The following MED13L variants were observed in gnomAD, a reference collection of about 807,000 sequenced individuals.
MED13L encodes mediator of RNA polymerase II transcription subunit 13-like.
MED13L carries 7 observed loss-of-function variants against 220.9 expected under a neutral mutation model. That is an observed-to-expected ratio of 0.03 (90% CI 0.02 to 0.06). MED13L has a LOEUF of 0.06. Among genes scored for constraint, MED13L ranks in the 10% least tolerant of loss-of-function variants. The pLI is 1.00. For missense variants in MED13L, 1,965 were observed against 2,760.5 expected, an observed-to-expected ratio of 0.71 and a Z score of 6.46; for synonymous variants, 1,011 against 1,015.2, an observed-to-expected ratio of 1.00 and a Z score of 0.08.
chr12:116,217,538 G>C (rs906103482), intron 2 of MED13L, among the ~76,000 whole-genome samples: 15 of 152,074 alleles, frequency 9.9e-5, no homozygotes, highest in African/African-American at 3.6e-4. Flanking sequence ...AAAAAAATTG[G>C]CTAAACATTT....
chr12:116,091,327 A>G (rs1872192902), intron 4 of MED13L, among the ~76,000 whole-genome samples: 1 of 152,116 alleles, frequency 6.6e-6, no homozygotes, highest in African/African-American at 2.4e-5. Context: ...AGCACAAATG[A>G]AAAATAAAAA....
Position 116,270,181 on chromosome 12 carries a change from C to T in MED13L, c.72+6879G>A, listed in dbSNP as rs184250881. Among the ~76,000 whole-genome samples, 117 of 150,802 alleles carry T rather than the reference C, an allele frequency of 7.8e-4. 3 individuals are homozygous for T. The highest frequency in any genetic ancestry group is 7.1e-3 in the Admixed American group (108 of 15,192). ...TTTTTGAGACAGACTCTCGCTCTGT[C>T]GCCAGACTGGAGTGCAGTGGCACCA... On this transcript the variant is annotated intron_variant, in intron 1 of 30. Transcript: ENST00000281928.
chr12:116,179,587 C>G (rs1250250394), intron 2 of MED13L, among the ~76,000 whole-genome samples: 2 of 151,976 alleles, frequency 1.3e-5, no homozygotes, highest in Non-Finnish European at 2.9e-5. Context: ...GCACTCCAGC[C>G]TGGGCGACAT....
At chr12:115,980,290 T>C (rs1293539230) in intron 23 of MED13L, among the ~76,000 whole-genome samples, 1 of 152,188 alleles carries the variant, frequency 6.6e-6, no homozygotes, top group Admixed American at 6.5e-5. Flanking sequence ...CAGAGAAGTA[T>C]CTCCTCTATT....
At chr12:116,015,320 T>C in intron 7 of MED13L, 46 bp from the exon 8 acceptor site, 1 of 1,591,948 alleles carries the variant, frequency 6.3e-7, no homozygotes, top group African/African-American at 1.3e-5. Context: ...CTGAAAAGGT[T>C]TCCTACTTCA....
intron 4 of MED13L, among the ~76,000 whole-genome samples, chr12:116,047,841 A>G (rs910245573): frequency 1.3e-5 from 2 of 152,246 alleles, no homozygotes; most frequent in Admixed American, 6.5e-5. Context: ...AAGCTGAGGT[A>G]GGTTTCCAGT....
At chr12:116,009,225 T>A in intron 9 of MED13L, 93 bp from the exon 10 acceptor site, 2 of 1,245,450 alleles carry the variant, frequency 1.6e-6, no homozygotes, top group Non-Finnish European at 2.3e-6. Context: ...TTAGATGTAC[T>A]AATACATATA....
intron 1 of MED13L, among the ~76,000 whole-genome samples, chr12:116,252,277 G>C (rs1183785340): frequency 6.6e-6 from 1 of 152,074 alleles, no homozygotes; most frequent in Non-Finnish European, 1.5e-5. Flanking sequence ...CCATATGCTA[G>C]TCCATAAAAC....
chr12:116,029,502 G>A (rs529386034), intron 4 of MED13L, among the ~76,000 whole-genome samples: 111 of 152,066 alleles, frequency 7.3e-4, no homozygotes, highest in African/African-American at 2.5e-3. Flanking sequence ...ACCCATCTAC[G>A]TATTGCACAA....
At chr12:115,974,724 T>C (rs1254822078) in intron 25 of MED13L, among the ~76,000 whole-genome samples, 2 of 152,196 alleles carry the variant, frequency 1.3e-5, no homozygotes, top group Non-Finnish European at 2.9e-5. Flanking sequence ...TGAAACAGGA[T>C]TTCTTTGCTG....
intron 4 of MED13L, among the ~76,000 whole-genome samples, chr12:116,077,693 G>A (rs1870911465): frequency 6.6e-6 from 1 of 152,134 alleles, no homozygotes; most frequent in African/African-American, 2.4e-5. Context: ...AAAACTGGGT[G>A]GCCAGGCAGT....
chr12:116,080,392 G>A (rs74316947), intron 4 of MED13L, among the ~76,000 whole-genome samples: 3,098 of 152,252 alleles, frequency 0.02, 57 homozygotes, highest in Middle Eastern at 0.054. Flanking sequence ...TTGAAATAAG[G>A]TGAAAGGAGG....
At chr12:116,080,503 C>T (rs1871156194) in intron 4 of MED13L, among the ~76,000 whole-genome samples, 1 of 152,122 alleles carries the variant, frequency 6.6e-6, no homozygotes, top group South Asian at 2.1e-4. Flanking sequence ...CAGAACACTG[C>T]AGCAAATTCA....
At chr12:116,137,974 A>T (rs915156338) in intron 2 of MED13L, among the ~76,000 whole-genome samples, 1 of 148,860 alleles carries the variant, frequency 6.7e-6, no homozygotes, top group Non-Finnish European at 1.5e-5. Context: ...CTCCTGCCTC[A>T]GCCTCCCGAG....
rs557557178 is a variant in MED13L at position 116,076,996 on chromosome 12, A to G, written c.479+19673T>C. Among the ~76,000 whole-genome samples, 193 of 152,266 alleles carry G rather than the reference A, an allele frequency of 1.3e-3. 2 individuals carry two copies. Among genetic ancestry groups the G allele is most frequent in the East Asian group, 5.8e-4 (3 of 5,178 alleles). On this transcript the variant is annotated intron_variant, in intron 4 of 30. Transcript: ENST00000281928. ...CTGCTAAGCAAGCACTTTCCTCTCC[A>G]GTCAGTGCAGTCTTTCCTTGAGACA...
chr12:116,255,968 A>G (rs536825691), intron 1 of MED13L, among the ~76,000 whole-genome samples: 3 of 152,218 alleles, frequency 2.0e-5, no homozygotes, highest in Non-Finnish European at 4.4e-5. Context: ...GAAAAAATCC[A>G]AAATCCAAAA....
intron 4 of MED13L, among the ~76,000 whole-genome samples, chr12:116,054,545 CCTTA>C (rs1401812493): frequency 2.0e-5 from 3 of 152,116 alleles, no homozygotes; most frequent in African/African-American, 7.2e-5. Context: ...TCTATAATAG[CCTTA>C]CTTTCAAGCA....
intron 4 of MED13L, among the ~76,000 whole-genome samples, chr12:116,079,907 A>T (rs1330779790): frequency 6.6e-6 from 1 of 152,156 alleles, no homozygotes; most frequent in East Asian, 1.9e-4. Flanking sequence ...TCTGAAAGTT[A>T]TGGAATAAGC....
chr12:116,235,005 G>C (rs922010946), intron 2 of MED13L, among the ~76,000 whole-genome samples: 24 of 152,068 alleles, frequency 1.6e-4, no homozygotes, highest in Admixed American at 1.5e-3. Flanking sequence ...AAATATATTA[G>C]AGAATGAAAT....
Sources: allele counts gnomAD v4.1 joint callset (sites outside exome capture counted in the v4.1 genomes callset), GRCh38; gene constraint gnomAD v4.1.1; transcripts MANE v1.5; gene names NCBI Gene and HGNC (gene_info 2026-07-23, HGNC 2026-07-21).